IPO7: variants seen among roughly 807,000 people sequenced by gnomAD.
The protein encoded by IPO7 is importin-7.
IPO7 carries 13 observed loss-of-function variants against 136.4 expected under a neutral mutation model. The ratio of observed to expected loss-of-function variants is 0.10; its 90% CI spans 0.06 to 0.15. IPO7 has a LOEUF of 0.15. Among genes scored for constraint, IPO7 ranks in the 10% least tolerant of loss-of-function variants. The probability of loss-of-function intolerance (pLI) is 1.00; values close to 1 mark genes in which losing one functional copy is unlikely to be tolerated. For synonymous variants in IPO7, 403 were observed against 404.4 expected (o/e 1.00, Z 0.04); for missense variants, 857 against 1,240.6 (o/e 0.69, Z 4.65).
intron 21 of IPO7, 36 bp from the exon 22 acceptor site, chr11:9,438,044 A>AG: frequency 5.8e-6 from 6 of 1,035,558 alleles, no homozygotes; most frequent in Non-Finnish European, 8.0e-6. Context: ...AAAAGAAAAC[A>AG]GTTTTTTTTT....
chr11:9,436,710 T>C (rs934493290), intron 20 of IPO7, among the ~76,000 whole-genome samples: 53 of 148,992 alleles, frequency 3.6e-4, no homozygotes, highest in African/African-American at 1.3e-3. Context: ...TGAGTGAGAG[T>C]CTTGCTCTGT....
intron 22 of IPO7, 80 bp from the exon 23 acceptor site, chr11:9,440,375 C>A: frequency 9.0e-7 from 1 of 1,105,672 alleles, no homozygotes; most frequent in Non-Finnish European, 1.4e-6. Context: ...AATTTACTGA[C>A]AGTGATTGAG....
At position 9,423,023 on chromosome 11, in the gene IPO7, A is replaced by T; in HGVS notation, c.924A>T (p.Leu308Phe). ...TTTCCAAGGTTTTATTGAAGGTGTT[A>T]TATCAGTACAAGGAGAAGCAATATA... is the stretch of plus-strand genomic sequence containing the variant. ...VGVQQVLLKV[L>F]YQYKEKQYMA... The change falls in exon 9 of 25, where the codon TTA becomes TTT. Residue 308 changes from leucine (L) to phenylalanine (F), a missense_variant. Leu to Phe is a conservative substitution (Grantham distance 22). This residue lies in a region of IPO7 where 287 missense variants were observed against 307.5 expected (regional missense o/e 0.93). Transcript: ENST00000379719. 6.4e-7 allele frequency: 1 copy of T among 1,573,444 alleles called. No individual in the cohort carries two copies. The highest frequency in any genetic ancestry group is 1.4e-5 in the African/African-American group (1 of 73,574).
intron 1 of IPO7, among the ~76,000 whole-genome samples, chr11:9,389,945 C>T (rs961345442): frequency 5.9e-5 from 9 of 152,090 alleles, no homozygotes; most frequent in Non-Finnish European, 1.3e-4. Flanking sequence ...TTAGTAGAGA[C>T]GGGGTTTCAC....
chr11:9,429,401 G>C (rs1855261057), intron 14 of IPO7, among the ~76,000 whole-genome samples: 1 of 151,934 alleles, frequency 6.6e-6, no homozygotes, highest in African/African-American at 2.4e-5. Context: ...AGCTACTTGG[G>C]AGTCTGAGGC....
chr11:9,422,130 T>A (rs892491777), intron 8 of IPO7, among the ~76,000 whole-genome samples: 10 of 151,206 alleles, frequency 6.6e-5, no homozygotes, highest in Non-Finnish European at 1.3e-4. Context: ...AAATACAAAA[T>A]CAGCCAGGTG....
chr11:9,432,192 T>G (rs1420042914), intron 16 of IPO7, among the ~76,000 whole-genome samples: 3 of 151,792 alleles, frequency 2.0e-5, no homozygotes, highest in African/African-American at 7.3e-5. Flanking sequence ...CATGAGGTTT[T>G]TCACTAAACT....
At chr11:9,430,130 T>A (rs1183696272) in intron 15 of IPO7, among the ~76,000 whole-genome samples, 1 of 152,108 alleles carries the variant, frequency 6.6e-6, no homozygotes, top group Non-Finnish European at 1.5e-5. Flanking sequence ...CCGGCAGTAA[T>A]GCTCACTCAC....
intron 6 of IPO7, 110 bp downstream of exon 6, chr11:9,417,258 T>G (rs1030258584): frequency 5.8e-6 from 3 of 515,688 alleles, no homozygotes; most frequent in Non-Finnish European, 1.0e-5. Flanking sequence ...TATAATATGG[T>G]GATGTATTTT....
chr11:9,389,175 C>T (rs552482920), intron 1 of IPO7, among the ~76,000 whole-genome samples: 154 of 152,046 alleles, frequency 1.0e-3, no homozygotes, highest in African/African-American at 3.5e-3. Context: ...TCCTCAGCCT[C>T]TTGAGTAACT....
intron 16 of IPO7, 31 bp from the exon 17 acceptor site, chr11:9,433,539 A>G (rs1381714167): frequency 5.2e-6 from 8 of 1,525,190 alleles, no homozygotes; most frequent in Admixed American, 1.7e-5. Context: ...GTAGGCTGTA[A>G]CTGCATATGA....
intron 1 of IPO7, among the ~76,000 whole-genome samples, chr11:9,400,485 G>A (rs943152709): frequency 7.9e-5 from 12 of 151,776 alleles, no homozygotes; most frequent in Non-Finnish European, 1.3e-4. Flanking sequence ...GCGGTGGCGC[G>A]ATCTCGGCTC....
intron 1 of IPO7, among the ~76,000 whole-genome samples, chr11:9,391,120 G>T (rs1854627061): frequency 6.6e-6 from 1 of 151,954 alleles, no homozygotes; most frequent in African/African-American, 2.4e-5. Context: ...CTAGTTGGAG[G>T]TCAGATGCGG....
intron 2 of IPO7, 111 bp from the exon 3 acceptor site, chr11:9,408,375 A>G: frequency 3.5e-6 from 2 of 565,296 alleles, no homozygotes; most frequent in Non-Finnish European, 5.6e-6. Context: ...TAATGAAAGC[A>G]TAGCTTTACA....
At chr11:9,391,639 G>A (rs1257833482) in intron 1 of IPO7, among the ~76,000 whole-genome samples, 1 of 152,188 alleles carries the variant, frequency 6.6e-6, no homozygotes, top group Non-Finnish European at 1.5e-5. Context: ...GGGAGGCAGA[G>A]CTTGCGGTGA....
Position 9,445,178 on chromosome 11 carries a change from C to G in IPO7, c.3101C>G (p.Ala1034Gly). Residue 1034 changes from alanine to glycine, a missense_variant, in exon 25 of 25, where the codon GCA (alanine) becomes GGA (glycine). This residue lies in a region of IPO7 where 13 missense variants were observed against 19.6 expected (regional missense o/e 0.66). Coordinates refer to ENST00000379719, the MANE Select transcript of IPO7 (RefSeq NM_006391.3). Reference protein sequence around the residue: ...VPSSFNFGGPAPGMN With the variant: ...VPSSFNFGGPGPGMN ...AGTTCTTTCAATTTTGGAGGCCCAGCACCAGGGATGAATTGAGTTATCTCT... is the reference window on the plus strand; with the variant it reads ...AGTTCTTTCAATTTTGGAGGCCCAGGACCAGGGATGAATTGAGTTATCTCT... 1 of 1,589,828 alleles carries G rather than the reference C, an allele frequency of 6.3e-7. No homozygotes were observed. The highest frequency in any genetic ancestry group is 1.7e-4 in the Middle Eastern group (1 of 6,000).
intron 16 of IPO7, among the ~76,000 whole-genome samples, chr11:9,432,899 TTC>T (rs1855316663): frequency 6.6e-6 from 1 of 152,152 alleles, no homozygotes; most frequent in Admixed American, 6.6e-5. Context: ...TTCGGATAAT[TTC>T]TCTGTGAGTC....
intron 1 of IPO7, chr11:9,392,115 C>G (rs912738692): frequency 5.7e-6 from 2 of 351,254 alleles, no homozygotes; most frequent in African/African-American, 4.5e-5. Context: ...CTTAACCTCA[C>G]TATGCCTTAT....
chr11:9,436,947 G>T (rs1260268197), intron 20 of IPO7, among the ~76,000 whole-genome samples: 2 of 128,554 alleles, frequency 1.6e-5, no homozygotes, highest in Non-Finnish European at 1.6e-5. Flanking sequence ...GTGCAGTCGC[G>T]CAATCTCAGC....
Sources: gnomAD v4.1 joint callset for allele counts (sites outside exome capture counted in the v4.1 genomes callset) on GRCh38, gnomAD v4.1.1 for gene constraint, gnomAD v4.1.1 regional missense constraint, MANE v1.5 for transcripts, NCBI Gene and HGNC (gene_info 2026-07-23, HGNC 2026-07-21) for gene names.